Variants in PRPF18 observed in about 807,000 individuals in gnomAD.
PRPF18 encodes the protein pre-mRNA-splicing factor 18.
PRPF18 carries 38 observed loss-of-function variants against 46.5 expected under a neutral mutation model. The ratio of observed to expected loss-of-function variants is 0.82; its 90% CI spans 0.63 to 1.07. The LOEUF is 1.07. Among genes scored for constraint, PRPF18 ranks in the 50% least tolerant of loss-of-function variants. The pLI, the probability that PRPF18 is intolerant of heterozygous loss-of-function variation, is 0.00. For missense variants in PRPF18, 263 were observed against 410.0 expected, an observed-to-expected ratio of 0.64 and a Z score of 3.10; for synonymous variants, 152 against 146.7, an observed-to-expected ratio of 1.04 and a Z score of -0.26.
intron 9 of PRPF18, among the ~76,000 whole-genome samples, chr10:13,628,685 T>C (rs1269495457): frequency 1.3e-5 from 2 of 152,184 alleles, no homozygotes; most frequent in African/African-American, 4.8e-5. Flanking sequence ...AATGAGATTT[T>C]GCAGGGATTT....
chr10:13,650,228 A>G, the PRPF18 span, among the ~76,000 whole-genome samples: 1 of 152,306 alleles, frequency 6.6e-6, no homozygotes, highest in Admixed American at 6.5e-5. Flanking sequence ...TTTTAAACGT[A>G]TAACTAACTT....
At chr10:13,629,248 A>G (rs1012718435) in intron 9 of PRPF18, among the ~76,000 whole-genome samples, 3 of 152,266 alleles carry the variant, frequency 2.0e-5, no homozygotes, top group Non-Finnish European at 2.9e-5. Flanking sequence ...TCTTGGTTAC[A>G]GTTGCCAAGA....
intron 9 of PRPF18, among the ~76,000 whole-genome samples, chr10:13,629,943 GT>G (rs1391266778): frequency 6.6e-6 from 1 of 152,232 alleles, no homozygotes; most frequent in Admixed American, 6.5e-5. Context: ...TGTAGCTAGA[GT>G]TAATTCATTT....
chr10:13,605,890 G>A (rs2080176947), intron 4 of PRPF18, 146 bp downstream of exon 4: 1 of 1,189,438 alleles, frequency 8.4e-7, no homozygotes, highest in Non-Finnish European at 1.1e-6. Flanking sequence ...TTAATTTTTT[G>A]AAAAGCTCAT....
intron 1 of PRPF18, chr10:13,591,752 G>C (rs2079964988): frequency 1.6e-6 from 2 of 1,281,146 alleles, no homozygotes; most frequent in Non-Finnish European, 2.2e-6. Context: ...ACAGATTTCT[G>C]GTGTTTTCTT....
chr10:13,649,174 T>TTAAAGTTGAGTCATAATTGTG, the PRPF18 span: 1 of 152,208 alleles, frequency 6.6e-6, no homozygotes, highest in South Asian at 2.1e-4. Context: ...GTTGAAACTA[T>TTAAAGTTGAGTCATAATTGTG]TAAAGTTGAG....
At chr10:13,587,306 A>C in intron 1 of PRPF18, 154 bp downstream of exon 1, 2 of 768,288 alleles carry the variant, frequency 2.6e-6, no homozygotes, top group Non-Finnish European at 4.4e-6. Flanking sequence ...CCTTAGATCC[A>C]ACCCTTGGCG....
chr10:13,587,292 G>T (rs1024343149), intron 1 of PRPF18, 140 bp downstream of exon 1: 1 of 887,122 alleles, frequency 1.1e-6, no homozygotes. Flanking sequence ...CCCCTGGTAG[G>T]CCCCCTTAGA....
At chr10:13,593,508 C>T (rs966400215) in intron 1 of PRPF18, among the ~76,000 whole-genome samples, 5 of 152,068 alleles carry the variant, frequency 3.3e-5, no homozygotes, top group African/African-American at 7.2e-5. Flanking sequence ...GAAGTGGACA[C>T]GGATTAGATT....
Position 13,630,300 on chromosome 10 carries a change from C to T in PRPF18, c.989C>T (p.Pro330Leu). Residue 330 changes from proline (P) to leucine (L), a missense_variant, in exon 10 of 10, where the codon CCT becomes CTT. By Grantham distance (98) the Pro-to-Leu change is moderately conservative (BLOSUM62 -3). This residue lies in a region of PRPF18 where 20 missense variants were observed against 21.5 expected (regional missense o/e 0.93). Transcript: ENST00000378572. ...ATGACCATTTGCCAGAAACACTTTC[C>T]TACAGACCCATCCAAATGTGTGGAG... The part of the protein sequence containing the change: ...RLMTICQKHF[P>L]TDPSKCVEYN... 1.2e-6 allele frequency: 2 copies of T among 1,612,784 alleles called. No homozygotes were observed. Among genetic ancestry groups the T allele is most frequent in the South Asian group, 2.2e-5 (2 of 91,046 alleles).
rs565976247 is a variant in PRPF18 at position 13,627,568 on chromosome 10, C to T, written c.949-2692C>T. Among the ~76,000 whole-genome samples the T allele has an allele frequency of 5.3e-5, 8 of 152,300 alleles. No individual in the cohort carries two copies. In the East Asian group the frequency reaches 5.8e-4, roughly 11 times the overall value. On this transcript the variant is annotated intron_variant, in intron 9 of 9. Coordinates refer to ENST00000378572, the MANE Select transcript of PRPF18 (RefSeq NM_003675.4). ...AGATTTGTTTCCATCTGGAAAATAA[C>T]GATATTCTGTCCTGAGATTACACAC...
chr10:13,590,314 A>G (rs1007829253), intron 1 of PRPF18, among the ~76,000 whole-genome samples: 28 of 152,010 alleles, frequency 1.8e-4, no homozygotes, highest in Non-Finnish European at 1.9e-4. Context: ...GAATTAAAAT[A>G]CTGACATTCG....
chr10:13,629,889 TA>T (rs1175145277), intron 9 of PRPF18, among the ~76,000 whole-genome samples: 3 of 152,254 alleles, frequency 2.0e-5, no homozygotes, highest in Non-Finnish European at 4.4e-5. Flanking sequence ...ATTTGGAGCT[TA>T]ATTCTCTATT....
At chr10:13,650,664 A>G in the PRPF18 span, among the ~76,000 whole-genome samples, 1 of 152,150 alleles carries the variant, frequency 6.6e-6, no homozygotes, top group Non-Finnish European at 1.5e-5. Context: ...TCCAAAGCCT[A>G]AGTCCCTGTC....
chr10:13,611,193 T>A (rs1297576512), intron 5 of PRPF18, among the ~76,000 whole-genome samples: 1 of 151,570 alleles, frequency 6.6e-6, no homozygotes, highest in Non-Finnish European at 1.5e-5. Flanking sequence ...TGGGCTTTTT[T>A]TTTTTTTTTT....
chr10:13,591,325 T>TA (rs1434242401), intron 1 of PRPF18: 2 of 316,358 alleles, frequency 6.3e-6, no homozygotes, highest in African/African-American at 4.3e-5. Context: ...AATACATTTT[T>TA]ATATATTGAT....
In PRPF18 at chr10:13,613,731, C is replaced by A. The variant is rs116008294; in HGVS notation, c.580-10C>A. 3.7e-6 allele frequency: 6 copies of A among 1,609,792 alleles called. No individual in the cohort carries two copies. The Admixed American group carries it at 5.1e-5, about 14-fold the overall frequency. ...GCATTGTAGTCTAAGTTTACCCATC[C>A]TTTCAACAGTTTCTTCTTGGCGTTT... On this transcript the variant is annotated splice_polypyrimidine_tract_variant and intron_variant, in intron 6 of 9. Coordinates refer to ENST00000378572, the MANE Select transcript of PRPF18 (RefSeq NM_003675.4).
At chr10:13,628,530 A>G (rs929105943) in intron 9 of PRPF18, among the ~76,000 whole-genome samples, 1 of 152,092 alleles carries the variant, frequency 6.6e-6, no homozygotes, top group African/African-American at 2.4e-5. Context: ...TTATTATATG[A>G]TATTTATTTG....
intron 9 of PRPF18, among the ~76,000 whole-genome samples, chr10:13,626,408 T>C (rs2080505468): frequency 6.6e-6 from 1 of 152,182 alleles, no homozygotes; most frequent in Non-Finnish European, 1.5e-5. Context: ...GAAAAAAACT[T>C]ATGAGAGGTC....
Sources: gnomAD v4.1 joint callset for allele counts (sites outside exome capture counted in the v4.1 genomes callset) on GRCh38, gnomAD v4.1.1 for gene constraint, gnomAD v4.1.1 regional missense constraint, MANE v1.5 for transcripts, NCBI Gene and HGNC (gene_info 2026-07-23, HGNC 2026-07-21) for gene names.